The following ZNF462 variants were observed in gnomAD, a reference collection of about 807,000 sequenced individuals.
ZNF462 encodes the protein zinc finger protein 462, also known as zinc finger PBX1-interacting protein.
ZNF462 carries 10 observed loss-of-function variants against 201.9 expected under a neutral mutation model. The ratio of observed to expected loss-of-function variants is 0.05; its 90% confidence interval spans 0.03 to 0.08. The LOEUF (loss-of-function observed/expected upper bound fraction) is 0.08. Among genes scored for constraint, ZNF462 ranks in the 10% least tolerant of loss-of-function variants. The probability of loss-of-function intolerance (pLI) is 1.00; values close to 1 mark genes in which losing one functional copy is unlikely to be tolerated. For missense variants in ZNF462, 2,523 were observed against 3,168.3 expected, an observed-to-expected ratio of 0.80 and a Z score of 4.89; for synonymous variants, 1,227 against 1,193.3, an observed-to-expected ratio of 1.03 and a Z score of -0.58.
chr9:106,878,890 T>A (rs1827958762), intron 1 of ZNF462, among the ~76,000 whole-genome samples: 1 of 152,210 alleles, frequency 6.6e-6, no homozygotes, highest in South Asian at 2.1e-4. Context: ...AGTTTCCAGT[T>A]ATTTTTAGGT....
Position 106,929,147 on chromosome 9 carries a change from C to G in ZNF462, c.5235C>G (p.Ile1745Met), listed in dbSNP as rs748308845. The G allele has an allele frequency of 1.9e-6, 3 of 1,614,010 alleles. No homozygotes were observed. Among genetic ancestry groups the G allele is most frequent in the Admixed American group, 1.7e-5 (1 of 60,008 alleles). The change falls in exon 3 of 13, where the codon ATC (isoleucine) becomes ATG (methionine). Residue 1745 changes from isoleucine to methionine, a missense_variant. Around this residue, in one of 15 missense-constraint regions of ZNF462, gnomAD observed 207 missense variants for 231.6 expected, o/e 0.89. Coordinates refer to ENST00000277225, the MANE Select transcript of ZNF462 (RefSeq NM_021224.6). This position sits in a 1 kb window ranked among gnomAD's most constrained non-coding sequence, Gnocchi z 8.7. ...GCGACAAGCCCAACAAAGTGATCAT[C>G]CCATCCCCGCCCAAGGACGACTCCC... ...TISDKPNKVI[I>M]PSPPKDDSPQ...
Position 107,009,245 on chromosome 9 carries a change from T to G in ZNF462, c.7190-300T>G, listed in dbSNP as rs2132774690. 2.8e-6 allele frequency: 1 copy of G among 357,734 alleles called. No homozygotes were observed. Among genetic ancestry groups the G allele is most frequent in the Admixed American group, 4.1e-5 (1 of 24,176 alleles). 22.2% of individuals were successfully genotyped at this position (357,734 alleles called of 1,614,324 possible). On this transcript the variant is annotated intron_variant, in intron 11 of 12. Transcript: ENST00000277225. The surrounding 1 kb of genome is among the most constrained non-coding windows in gnomAD (Gnocchi z 6.1). ...AAATCGGAAAAAATAATGCTCAGAT[T>G]CCTTTGGAATCTCGGGCAAGCGGCT...
In ZNF462 at chr9:106,993,756, CTT is replaced by C. The variant is rs770523626; in HGVS notation, c.7056+9352_7056+9353del. Among the ~76,000 whole-genome samples, 60 of 151,826 alleles carry C rather than the reference CTT, an allele frequency of 4.0e-4. No individual in the cohort carries two copies. The highest frequency in any genetic ancestry group is 1.0e-3 in the South Asian group (5 of 4,796). The stretch of plus-strand genomic sequence containing the variant: ...TTGAAAGATGAAGACAACATTTTTT[CTT>C]TTTTGAGTCAGGGTCTTGCTCTGTT... On this transcript the variant is annotated intron_variant, in intron 10 of 12. Transcript: ENST00000277225. This position sits in a 1 kb window ranked among gnomAD's most constrained non-coding sequence, Gnocchi z 4.0.
intron 1 of ZNF462, among the ~76,000 whole-genome samples, chr9:106,877,037 G>A (rs1827860930): frequency 6.6e-6 from 1 of 152,056 alleles, no homozygotes; most frequent in African/African-American, 2.4e-5. Flanking sequence ...AGACCTCACG[G>A]GTAAGGAGAC....
In ZNF462 at chr9:106,974,095, C is replaced by G. The variant is rs375274413; in HGVS notation, c.6696-42C>G. On this transcript the variant is annotated intron_variant, in intron 8 of 12. Transcript: ENST00000277225. The surrounding 1 kb of genome is among the most constrained non-coding windows in gnomAD (Gnocchi z 4.0). Reference sequence around the variant, plus strand: ...CAGGAAATGTGAAAATGCAATGATCCCTGGTTACACGCATCACCTCTCCTC... The same window carrying G: ...CAGGAAATGTGAAAATGCAATGATCGCTGGTTACACGCATCACCTCTCCTC... 3.1e-6 allele frequency: 5 copies of G among 1,612,266 alleles called. No individual in the cohort carries two copies. In the African/African-American group the frequency reaches 6.7e-5, roughly 22 times the overall value.
intron 1 of ZNF462, among the ~76,000 whole-genome samples, chr9:106,874,529 C>T (rs994060872): frequency 6.6e-6 from 1 of 152,072 alleles, no homozygotes; most frequent in African/African-American, 2.4e-5. Flanking sequence ...AGGAGGTAAA[C>T]GTAGAAAGTT....
chr9:106,946,002 T>C (rs1011689718), intron 7 of ZNF462, among the ~76,000 whole-genome samples: 4 of 152,242 alleles, frequency 2.6e-5, no homozygotes, highest in African/African-American at 9.6e-5. Context: ...TTGTGGCTGC[T>C]ATCATCCTTT....
At chr9:106,947,043 A>T (rs772566916) in intron 7 of ZNF462, among the ~76,000 whole-genome samples, 2 of 152,206 alleles carry the variant, frequency 1.3e-5, no homozygotes, top group Non-Finnish European at 2.9e-5. Context: ...TGAAATAGCA[A>T]ATGGCCAAAA....
chr9:107,008,244 AT>A lies in ZNF462; in HGVS notation c.7190-1298del, dbSNP rs934391042. ...TGCGCAGAGCAGATGGTGCTGTCTC[AT>A]TTCCAATGAAAAGAATCAAGGAAGA... On this transcript the variant is annotated intron_variant, in intron 11 of 12. Transcript: ENST00000277225. The surrounding 1 kb of genome is among the most constrained non-coding windows in gnomAD (Gnocchi z 4.8). 6.6e-6 allele frequency among the ~76,000 whole-genome samples: 1 copy of A among 152,226 alleles called. No homozygotes were observed. The highest frequency in any genetic ancestry group is 6.5e-5 in the Admixed American group (1 of 15,286).
intron 7 of ZNF462, among the ~76,000 whole-genome samples, chr9:106,956,947 A>G (rs1033626701): frequency 3.3e-5 from 5 of 152,074 alleles, no homozygotes; most frequent in African/African-American, 9.7e-5. Flanking sequence ...GGCTACTACA[A>G]CTTTCTCCAT....
At position 107,007,946 on chromosome 9, in the gene ZNF462, A is replaced by G. The variant is rs551593969; in HGVS notation, c.7190-1599A>G. ...CCTCTTGTTGGCAATTTAGACTTTT[A>G]TCAGACACCCTCAGTTTAGGGGGTT... On this transcript the variant is annotated intron_variant, in intron 11 of 12. Transcript: ENST00000277225. 3.9e-5 allele frequency among the ~76,000 whole-genome samples: 6 copies of G among 152,286 alleles called. No homozygotes were observed. The South Asian group carries it at 1.2e-3, about 32-fold the overall frequency.
intron 1 of ZNF462, among the ~76,000 whole-genome samples, chr9:106,864,045 T>TCTCTCTCTCTCTCTCC (rs1827183990): frequency 3.2e-5 from 1 of 31,602 alleles, no homozygotes. Context: ...TTTGGCTCTC[T>TCTCTCTCTCTCTCTCC]CTCTCTCTCT....
rs916007822 is a variant in ZNF462, at chr9:106,963,556, A to G, written c.6428-8449A>G. ...GTGTGCCTGTATAGCACGGCTGTCC[A>G]CAAATTCAATCTAATGGATATTTTC... On this transcript the variant is annotated intron_variant, in intron 7 of 12. Coordinates refer to ENST00000277225, the MANE Select transcript of ZNF462 (RefSeq NM_021224.6). The surrounding 1 kb of genome is among the most constrained non-coding windows in gnomAD (Gnocchi z 4.7). Among the ~76,000 whole-genome samples the G allele has an allele frequency of 5.3e-5, 8 of 152,200 alleles. No homozygotes were observed. Among genetic ancestry groups the G allele is most frequent in the East Asian group, 3.9e-4 (2 of 5,178 alleles).
chr9:106,976,481 AG>A (rs1256469749), intron 9 of ZNF462: 6 of 152,328 alleles, frequency 3.9e-5, no homozygotes, highest in African/African-American at 7.2e-5. Context: ...TAAGTTTTGC[AG>A]GGCACATGAG....
chr9:106,936,454 C>A (rs575194360), intron 6 of ZNF462, among the ~76,000 whole-genome samples: 3 of 152,248 alleles, frequency 2.0e-5, no homozygotes, highest in African/African-American at 7.2e-5. Context: ...TAAACAGGAC[C>A]ATGTCTCTTC....
At position 107,008,978 on chromosome 9, in the gene ZNF462, G is replaced by A. The variant is rs985194280; in HGVS notation, c.7190-567G>A. On this transcript the variant is annotated intron_variant, in intron 11 of 12. Transcript: ENST00000277225. The surrounding 1 kb of genome is among the most constrained non-coding windows in gnomAD (Gnocchi z 4.8). ...ATTCTTCGCTTGCAGATCTCATTCA[G>A]TGCACATAACCGCCCTGTAAGGTAT... Among the ~76,000 whole-genome samples the A allele has an allele frequency of 1.6e-4, 24 of 152,140 alleles. No homozygotes were observed. Among genetic ancestry groups the A allele is most frequent in the African/African-American group, 5.8e-4 (24 of 41,422 alleles).
intron 1 of ZNF462, among the ~76,000 whole-genome samples, chr9:106,908,328 T>C (rs1175656790): frequency 1.3e-5 from 2 of 152,144 alleles, no homozygotes; most frequent in African/African-American, 4.8e-5. Context: ...TTTATTTCTT[T>C]ATTTATTTGG....
rs1212939263 is a variant in ZNF462 at position 106,927,979 on chromosome 9, C to T, written c.4067C>T (p.Ser1356Phe). Residue 1356 changes from serine to phenylalanine, a missense_variant, in exon 3 of 13, where the codon TCC becomes TTC. Ser to Phe is a radical substitution (Grantham distance 155, BLOSUM62 -2). This residue lies in a region of ZNF462 where 165 missense variants were observed against 142.6 expected (regional missense o/e 1.16). Coordinates refer to ENST00000277225, the MANE Select transcript of ZNF462 (RefSeq NM_021224.6). ...AAACTGTGGGCTGGGCCAGACCCATCCCCTCCCTCTCTCACAATGCCAGCC... is the reference window on the plus strand; with the variant it reads ...AAACTGTGGGCTGGGCCAGACCCATTCCCTCCCTCTCTCACAATGCCAGCC... ...ATKLWAGPDP[S>F]PPSLTMPAEA... 1.9e-6 allele frequency: 3 copies of T among 1,614,146 alleles called. No individual in the cohort carries two copies. The highest frequency in any genetic ancestry group is 2.5e-6 in the Non-Finnish European group (3 of 1,180,034).
rs1320839472 is a variant in ZNF462, at chr9:106,883,543, C to G, written c.-31+20188C>G. On this transcript the variant is annotated intron_variant, in intron 1 of 12. Transcript: ENST00000277225. The surrounding 1 kb of genome is among the most constrained non-coding windows in gnomAD (Gnocchi z 4.9). The stretch of plus-strand genomic sequence containing the variant: ...ATACATAAGGCCTGCGTCATTAGTT[C>G]ATTTTTCAGTGAATGCTAGGCCAAG... 6.6e-6 allele frequency among the ~76,000 whole-genome samples: 1 copy of G among 152,178 alleles called. No homozygotes were observed. The highest frequency in any genetic ancestry group is 1.5e-5 in the Non-Finnish European group (1 of 68,030).
Sources: allele counts gnomAD v4.1 joint callset (sites outside exome capture counted in the v4.1 genomes callset), GRCh38; gene constraint gnomAD v4.1.1; regional missense constraint gnomAD v4.1.1; non-coding constraint Gnocchi (gnomAD v3.1); transcripts MANE v1.5; gene names NCBI Gene and HGNC (gene_info 2026-07-23, HGNC 2026-07-21).